NKAIN2: variants seen among roughly 807,000 people sequenced by gnomAD.
NKAIN2 encodes sodium/potassium transporting ATPase interacting 2.
In NKAIN2, 14 loss-of-function variants were observed where a neutral mutation model predicts 32.6. The ratio of observed to expected loss-of-function variants is 0.43; its 90% CI spans 0.28 to 0.67. The LOEUF (loss-of-function observed/expected upper bound fraction) is 0.67, where lower values mean the gene tolerates loss of function less well. Among genes scored for constraint, NKAIN2 ranks in the 30% least tolerant of loss-of-function variants. The probability of loss-of-function intolerance (pLI) is 0.17; values close to 1 mark genes in which losing one functional copy is unlikely to be tolerated. For synonymous variants in NKAIN2, 80 were observed against 87.2 expected (o/e 0.92, Z 0.46); for missense variants, 198 against 258.3 (o/e 0.77, Z 1.60).
Position 123,853,597 on chromosome 6 carries a change from C to T in NKAIN2, c.54+49343C>T, listed in dbSNP as rs76448806. ...ATAAGAAAAAAAGAAATACAAGTGA[C>T]ATTCAGGTACATGGAGTAATGACAA... On this transcript the variant is annotated intron_variant, in intron 1 of 6. Transcript: ENST00000368417. Among the ~76,000 whole-genome samples the T allele has an allele frequency of 4.6e-3, 703 of 152,002 alleles. 4 individuals carry two copies. Among genetic ancestry groups the T allele is most frequent in the Admixed American group, 0.014 (219 of 15,266 alleles).
At chr6:124,390,483 G>A (rs1773094868) in intron 3 of NKAIN2, among the ~76,000 whole-genome samples, 1 of 152,078 alleles carries the variant, frequency 6.6e-6, no homozygotes, top group African/African-American at 2.4e-5. Flanking sequence ...TCTGGCATGT[G>A]TCTTTTCCAA....
At chr6:124,778,370 C>G (rs902782577) in intron 4 of NKAIN2, among the ~76,000 whole-genome samples, 1 of 151,578 alleles carries the variant, frequency 6.6e-6, no homozygotes, top group Non-Finnish European at 1.5e-5. Context: ...AAAAAAAAGC[C>G]CTGCATAGGG....
At chr6:123,862,558 G>T (rs17693403) in intron 1 of NKAIN2, among the ~76,000 whole-genome samples, 1 of 151,722 alleles carries the variant, frequency 6.6e-6, no homozygotes, top group South Asian at 2.1e-4. Context: ...TAGCATCCCC[G>T]GCCAACTACA....
intron 1 of NKAIN2, among the ~76,000 whole-genome samples, chr6:124,256,896 T>C (rs957714381): frequency 3.3e-4 from 49 of 147,926 alleles, no homozygotes; most frequent in Non-Finnish European, 4.5e-5. Context: ...TTTTTTTTTT[T>C]TTTTTTTTTT....
intron 3 of NKAIN2, among the ~76,000 whole-genome samples, chr6:124,477,717 T>TCCC (rs1777282355): frequency 2.0e-4 from 1 of 4,884 alleles, no homozygotes; most frequent in African/African-American, 1.0e-3. Context: ...CCCCTTACTC[T>TCCC]TCCCCCTTCC....
intron 1 of NKAIN2, among the ~76,000 whole-genome samples, chr6:124,001,300 A>G (rs1484732935): frequency 6.6e-6 from 1 of 152,070 alleles, no homozygotes; most frequent in Non-Finnish European, 1.5e-5. Context: ...ATAACTTGCT[A>G]AAGCTATGTT....
chr6:124,743,439 A>C (rs1234741708), intron 4 of NKAIN2, among the ~76,000 whole-genome samples: 1 of 123,792 alleles, frequency 8.1e-6, no homozygotes, highest in Non-Finnish European at 1.9e-5. Context: ...GATCATTATT[A>C]ACATTTTTAA....
At chr6:124,507,942 A>G (rs560987459) in intron 3 of NKAIN2, among the ~76,000 whole-genome samples, 3 of 152,276 alleles carry the variant, frequency 2.0e-5, no homozygotes, top group South Asian at 4.1e-4. Context: ...TAGAACACAT[A>G]CTAACAAACA....
At chr6:124,634,149 G>A (rs747650009) in intron 3 of NKAIN2, among the ~76,000 whole-genome samples, 40 of 151,518 alleles carry the variant, frequency 2.6e-4, no homozygotes, top group Admixed American at 2.2e-3. Context: ...AAAAAATAAC[G>A]GTTTCACCAG....
chr6:124,331,057 C>T (rs1797629322), intron 2 of NKAIN2, among the ~76,000 whole-genome samples: 2 of 152,118 alleles, frequency 1.3e-5, no homozygotes, highest in South Asian at 4.1e-4. Context: ...TGCCCTACAG[C>T]ATCTACTACA....
chr6:124,169,411 A>G (rs939887646), intron 1 of NKAIN2, among the ~76,000 whole-genome samples: 8 of 152,208 alleles, frequency 5.3e-5, no homozygotes, highest in African/African-American at 9.6e-5. Flanking sequence ...AAAAATGCCA[A>G]GCAGTGGGAT....
chr6:124,567,637 A>T (rs1487898438), intron 3 of NKAIN2, among the ~76,000 whole-genome samples: 3 of 152,198 alleles, frequency 2.0e-5, no homozygotes, highest in African/African-American at 7.2e-5. Flanking sequence ...AGTTGGCAGG[A>T]GCAGCTCTGC....
intron 1 of NKAIN2, among the ~76,000 whole-genome samples, chr6:124,232,983 G>A (rs887583341): frequency 5.3e-5 from 8 of 152,092 alleles, no homozygotes; most frequent in African/African-American, 1.7e-4. Flanking sequence ...GGGAAACATA[G>A]GAAATAGACT....
intron 3 of NKAIN2, among the ~76,000 whole-genome samples, chr6:124,654,180 T>C (rs929944993): frequency 2.6e-5 from 4 of 152,040 alleles, no homozygotes; most frequent in African/African-American, 7.2e-5. Flanking sequence ...AAAGAAACAG[T>C]TATAAAAAAT....
intron 1 of NKAIN2, among the ~76,000 whole-genome samples, chr6:124,192,951 G>T (rs563822020): frequency 6.6e-6 from 1 of 151,822 alleles, no homozygotes; most frequent in Non-Finnish European, 1.5e-5. Context: ...GGGTTTCACC[G>T]TGTTAGCCAG....
Position 124,815,225 on chromosome 6 carries a change from C to CATATATATATATATAT in NKAIN2, c.536-3161_536-3146dup, listed in dbSNP as rs56841213. Among the ~76,000 whole-genome samples the CATATATATATATATAT allele has an allele frequency of 3.9e-3, 532 of 136,960 alleles. 3 individuals carry two copies. Among genetic ancestry groups the CATATATATATATATAT allele is most frequent in the South Asian group, 8.0e-3 (33 of 4,132 alleles). 89.9% of individuals were successfully genotyped at this position (136,960 alleles called of 152,430 possible). ...TCCCCAGTCTTAAACTATATATATA[C>CATATATATATATATAT]ATATATATATATATATGTATATATG... On this transcript the variant is annotated intron_variant, in intron 5 of 6. Transcript: ENST00000368417.
intron 3 of NKAIN2, among the ~76,000 whole-genome samples, chr6:124,369,132 A>G (rs568257281): frequency 1.0e-3 from 156 of 152,272 alleles, no homozygotes; most frequent in African/African-American, 3.7e-3. Flanking sequence ...ATAAAATAAT[A>G]ACAAATATGA....
At chr6:123,864,178 G>A (rs1775896046) in intron 1 of NKAIN2, among the ~76,000 whole-genome samples, 1 of 152,146 alleles carries the variant, frequency 6.6e-6, no homozygotes, top group Non-Finnish European at 1.5e-5. Flanking sequence ...GTGTCTCCCA[G>A]ATTTCTATAG....
At chr6:124,655,104 A>G (rs1336866949) in intron 3 of NKAIN2, among the ~76,000 whole-genome samples, 1 of 152,126 alleles carries the variant, frequency 6.6e-6, no homozygotes, top group Non-Finnish European at 1.5e-5. Context: ...ACCATCCAAT[A>G]TATTATAAAT....
Sources: gnomAD v4.1 joint callset for allele counts (sites outside exome capture counted in the v4.1 genomes callset) on GRCh38, gnomAD v4.1.1 for gene constraint, MANE v1.5 for transcripts, NCBI Gene and HGNC (gene_info 2026-07-23, HGNC 2026-07-21) for gene names.